Variants in PTPRU observed in about 807,000 individuals in gnomAD.
PTPRU encodes the protein protein tyrosine phosphatase receptor type U.
In PTPRU, 69 loss-of-function variants were observed where a neutral mutation model predicts 166.3. The ratio of observed to expected loss-of-function variants is 0.41; its 90% confidence interval spans 0.34 to 0.51. The LOEUF is 0.51. Among genes scored for constraint, PTPRU ranks in the 20% least tolerant of loss-of-function variants. The pLI is 0.09. For missense variants in PTPRU, 1,657 were observed against 2,013.7 expected (o/e 0.82, Z 3.39); for synonymous variants, 793 against 814.0 (o/e 0.97, Z 0.44).
rs1316823043 is a variant in PTPRU, at chr1:29,323,739, G to A, written c.4063G>A (p.Asp1355Asn). Reference protein sequence around the residue: ...KAFLHLLAEVDKWQAESGDGR... With the variant: ...KAFLHLLAEVNKWQAESGDGR... ...CTTCTTGCACCTGCTGGCTGAGGTG[G>A]ACAAGTGGCAGGCCGAGAGTGGGGA... The change falls in exon 28 of 30, where the codon GAC becomes AAC. Residue 1355 changes from aspartate to asparagine, a missense_variant. Asp to Asn is a conservative substitution (Grantham distance 23). Transcript: ENST00000373779. 1.9e-6 allele frequency: 3 copies of A among 1,614,174 alleles called. No homozygotes were observed. The South Asian group carries it at 3.3e-5, about 18-fold the overall frequency.
intron 3 of PTPRU, 54 bp from the exon 4 acceptor site, chr1:29,259,207 C>T (rs1684908393): frequency 1.3e-6 from 2 of 1,549,448 alleles, no homozygotes; most frequent in African/African-American, 1.4e-5. Flanking sequence ...GGGCACCTCC[C>T]CAGGCAAGGC....
Position 29,323,375 on chromosome 1 carries a change from G to A in PTPRU, c.3833G>A (p.Cys1278Tyr). The A allele has an allele frequency of 6.2e-7, 1 of 1,606,372 alleles. No individual in the cohort carries two copies. The highest frequency in any genetic ancestry group is 8.5e-7 in the Non-Finnish European group (1 of 1,176,494). The part of the protein sequence containing the change: ...QLNQSNSAWP[C>Y]LQYWPEPGRQ... ...CCTCTCCGTGCTTATGCCCAGCCCT[G>A]CCTGCAGTACTGGCCAGAGCCAGGC... The change falls in exon 27 of 30, where the codon TGC becomes TAC. Residue 1278 changes from cysteine (C) to tyrosine (Y), a missense_variant. Physicochemically the swap from Cys to Tyr is radical, Grantham distance 194. Transcript: ENST00000373779.
Position 29,311,595 on chromosome 1 carries a change from A to C in PTPRU, c.2955+42A>C. The C allele has an allele frequency of 1.9e-6, 3 of 1,614,022 alleles. No homozygotes were observed. The highest frequency in any genetic ancestry group is 2.5e-6 in the Non-Finnish European group (3 of 1,179,868). On this transcript the variant is annotated intron_variant, in intron 20 of 29. Transcript: ENST00000373779. The surrounding 1 kb of genome is among the most constrained non-coding windows in gnomAD (Gnocchi z 4.1). ...GGCGAGCTGGGGCGCATGGCAGGCC[A>C]AGGGGGCAGCAAAGAGCCCACTGAG...
Position 29,260,196 on chromosome 1 carries a change from G to C in PTPRU, c.850+152G>C. 1.1e-6 allele frequency: 1 copy of C among 915,652 alleles called. No homozygotes were observed. Among genetic ancestry groups the C allele is most frequent in the Non-Finnish European group, 1.5e-6 (1 of 668,896 alleles). 56.7% of individuals were successfully genotyped at this position (915,652 alleles called of 1,614,324 possible). A position where few individuals can be genotyped will look rare whatever the true frequency, so the allele number is the denominator to read the frequency against. ...ATCTGAAGATGGGCCTGTGGAAATG[G>C]CAGTGGCCCAGCCGGGATGAGATCT... On this transcript the variant is annotated intron_variant, in intron 6 of 29. Transcript: ENST00000373779. The surrounding 1 kb of genome is among the most constrained non-coding windows in gnomAD (Gnocchi z 8.3).
In PTPRU at chr1:29,279,675, C is replaced by CG. The variant is rs774292739; in HGVS notation, c.1765+20dup. The CG allele has an allele frequency of 1.3e-5, 21 of 1,607,180 alleles. No individual in the cohort carries two copies. Among genetic ancestry groups the CG allele is most frequent in the Middle Eastern group, 3.3e-4 (2 of 6,078 alleles). On this transcript the variant is annotated intron_variant, in intron 10 of 29. Coordinates refer to ENST00000373779, the MANE Select transcript of PTPRU (RefSeq NM_133178.4). The surrounding 1 kb of genome is among the most constrained non-coding windows in gnomAD (Gnocchi z 5.2). ...CATCTCTGGTGAGCCCCACCTGACC[C>CG]GGCCCAGCCTCTTCGGAGGTGGCCC...
chr1:29,278,935 G>C, intron 8 of PTPRU, 77 bp from the exon 9 acceptor site: 1 of 1,173,832 alleles, frequency 8.5e-7, no homozygotes, highest in Non-Finnish European at 1.2e-6. Context: ...GTAGGAAGCG[G>C]CAAGGCTGGA....
intron 7 of PTPRU, among the ~76,000 whole-genome samples, chr1:29,266,014 T>TC (rs1685285847): frequency 8.4e-6 from 1 of 119,070 alleles, no homozygotes; most frequent in South Asian, 3.0e-4. Flanking sequence ...TCCTGGGTTT[T>TC]TTTTTTTTTT....
In PTPRU at chr1:29,244,019, G is replaced by C. The variant is rs78840577; in HGVS notation, c.73+7302G>C. On this transcript the variant is annotated intron_variant, in intron 1 of 29. Transcript: ENST00000373779. ...CCCAAGATGCAAACCACAAGACCTTGTGATGACTCAGAAGGGACAAGGAGA... is the reference window on the plus strand; with the variant it reads ...CCCAAGATGCAAACCACAAGACCTTCTGATGACTCAGAAGGGACAAGGAGA... Among the ~76,000 whole-genome samples, 1,177 of 152,290 alleles carry C rather than the reference G, an allele frequency of 7.7e-3. 11 individuals carry two copies. Among genetic ancestry groups the C allele is most frequent in the African/African-American group, 0.024 (979 of 41,538 alleles).
At chr1:29,246,774 C>A (rs981107150) in intron 1 of PTPRU, among the ~76,000 whole-genome samples, 1 of 152,160 alleles carries the variant, frequency 6.6e-6, no homozygotes, top group African/African-American at 2.4e-5. Context: ...TGCCACCAAA[C>A]CCAGCTAATT....
chr1:29,260,140 G>A lies in PTPRU; in HGVS notation c.850+96G>A. ...TCTGCCCGGGGGCGTGGCCGTGGGG[G>A]GTGGGGCCGGCAGGGTGTCGCTGGG... On this transcript the variant is annotated intron_variant, in intron 6 of 29. Coordinates refer to ENST00000373779, the MANE Select transcript of PTPRU (RefSeq NM_133178.4). This position sits in a 1 kb window ranked among gnomAD's most constrained non-coding sequence, Gnocchi z 8.3. The A allele has an allele frequency of 8.1e-7, 1 of 1,227,776 alleles. No homozygotes were observed. The allele number at this position is 1,227,776 out of a possible 1,614,324, so 76.1% of individuals were successfully genotyped here.
intron 11 of PTPRU, among the ~76,000 whole-genome samples, chr1:29,282,173 G>T (rs1182798964): frequency 2.0e-5 from 3 of 152,224 alleles, no homozygotes; most frequent in Non-Finnish European, 2.9e-5. Flanking sequence ...CTAGTGTATA[G>T]CACAGGGCTC....
intron 7 of PTPRU, among the ~76,000 whole-genome samples, chr1:29,272,068 G>A (rs1685579287): frequency 6.6e-6 from 1 of 152,200 alleles, no homozygotes. Flanking sequence ...CAGCCAGAGA[G>A]TTGAAGAATA....
At chr1:29,286,307 C>A (rs1344827011) in intron 14 of PTPRU, among the ~76,000 whole-genome samples, 1 of 152,216 alleles carries the variant, frequency 6.6e-6, no homozygotes, top group Admixed American at 6.5e-5. Flanking sequence ...TCACACACAT[C>A]ATCCATGAGT....
At chr1:29,261,177 T>G (rs564818760) in intron 7 of PTPRU, among the ~76,000 whole-genome samples, 3 of 152,194 alleles carry the variant, frequency 2.0e-5, no homozygotes, top group Non-Finnish European at 4.4e-5. Flanking sequence ...CGTACCCATT[T>G]TAGATGTGAC....
intron 15 of PTPRU, 70 bp from the exon 16 acceptor site, chr1:29,303,785 C>CT: frequency 6.9e-7 from 1 of 1,451,786 alleles, no homozygotes; most frequent in Non-Finnish European, 9.4e-7. Context: ...CCCATAGACC[C>CT]CAGTCTCTCC....
At chr1:29,306,571 C>T (rs1198142686) in intron 18 of PTPRU, among the ~76,000 whole-genome samples, 1 of 152,184 alleles carries the variant, frequency 6.6e-6, no homozygotes, top group Non-Finnish European at 1.5e-5. Flanking sequence ...GTGGCAGAGC[C>T]AGGGCTGGTG....
chr1:29,242,889 A>G (rs1305076063), intron 1 of PTPRU, among the ~76,000 whole-genome samples: 1 of 147,496 alleles, frequency 6.8e-6, no homozygotes, highest in Admixed American at 6.7e-5. Flanking sequence ...GCCTGCCATC[A>G]CGCTCTCGGT....
chr1:29,267,743 T>G (rs74851189), intron 7 of PTPRU, among the ~76,000 whole-genome samples: 5,302 of 152,216 alleles, frequency 0.035, 311 homozygotes, highest in African/African-American at 0.12. Context: ...CTGAAGAGTT[T>G]AGAGAGCAGG....
At chr1:29,312,509 A>G in intron 21 of PTPRU, 43 bp from the exon 22 acceptor site, 3 of 1,531,372 alleles carry the variant, frequency 2.0e-6, no homozygotes, top group Non-Finnish European at 2.7e-6. Context: ...ATGGTGACAG[A>G]TGCTGCCAGG....
Sources: allele counts gnomAD v4.1 joint callset (sites outside exome capture counted in the v4.1 genomes callset), GRCh38; gene constraint gnomAD v4.1.1; non-coding constraint Gnocchi (gnomAD v3.1); transcripts MANE v1.5; gene names NCBI Gene and HGNC (gene_info 2026-07-23, HGNC 2026-07-21).